SH3D19: variants seen among roughly 807,000 people sequenced by gnomAD.
The protein encoded by SH3D19 is SH3 domain containing 19, also known as SH3 domain-containing protein 19.
Under a neutral mutation model 112.1 loss-of-function variants are expected in SH3D19, and 58 were observed. The ratio of observed to expected loss-of-function variants is 0.52; its 90% confidence interval spans 0.42 to 0.64. SH3D19 has a LOEUF of 0.64. Ranked by LOEUF, SH3D19 falls within the 30% of genes least tolerant of loss-of-function variation. The pLI is 0.00. For synonymous variants in SH3D19, 391 were observed against 448.5 expected, an observed-to-expected ratio of 0.87 and a Z score of 1.62; for missense variants, 1,090 against 1,263.4, an observed-to-expected ratio of 0.86 and a Z score of 2.08.
At chr4:151,255,884 T>A (rs902950640) in intron 1 of SH3D19, among the ~76,000 whole-genome samples, 3 of 152,072 alleles carry the variant, frequency 2.0e-5, no homozygotes, top group Non-Finnish European at 2.9e-5. Context: ...GGCGTGGCGG[T>A]GCGAGCCTGC....
intron 17 of SH3D19, among the ~76,000 whole-genome samples, chr4:151,130,395 C>T (rs1579645443): frequency 1.3e-5 from 2 of 152,142 alleles, no homozygotes; most frequent in Middle Eastern, 3.4e-3. Context: ...GAGACCTCGA[C>T]ACTGCACTTA....
At chr4:151,220,170 A>C (rs1767802339) in intron 2 of SH3D19, among the ~76,000 whole-genome samples, 1 of 152,214 alleles carries the variant, frequency 6.6e-6, no homozygotes, top group South Asian at 2.1e-4. Context: ...TTAATTACTT[A>C]AAAGAGTTCA....
intron 1 of SH3D19, chr4:151,291,028 C>A: frequency 1.0e-6 from 1 of 982,514 alleles, no homozygotes. Context: ...GGTCTCATGG[C>A]CCAGTTTTAA....
At position 151,167,753 on chromosome 4, in the gene SH3D19, C is replaced by T. The variant is rs969606387; in HGVS notation, c.1535-2057G>A. ...GCCCCACCGTCTGGGAAGTGAGGAG[C>T]GCCTCTTACTGGCCACCCCGTCTGG... On this transcript the variant is annotated intron_variant, in intron 7 of 19. Coordinates refer to ENST00000604030, the MANE Select transcript of SH3D19 (RefSeq NM_001378122.1). 2.7e-5 allele frequency among the ~76,000 whole-genome samples: 4 copies of T among 150,662 alleles called. 1 individual carries two copies. The South Asian group carries it at 6.3e-4, about 24-fold the overall frequency.
At position 151,267,120 on chromosome 4, in the gene SH3D19, A is replaced by G. The variant is rs1038227348; in HGVS notation, c.113-41034T>C. Reference sequence around the variant, plus strand: ...GATGATTTGAGGCCAGGAGTTTGCAACAATCCTGGGCAACATGGTGAGACT... The same window carrying G: ...GATGATTTGAGGCCAGGAGTTTGCAGCAATCCTGGGCAACATGGTGAGACT... On this transcript the variant is annotated intron_variant, in intron 1 of 19. Transcript: ENST00000604030. Among the ~76,000 whole-genome samples the G allele has an allele frequency of 2.7e-5, 4 of 150,678 alleles. No homozygotes were observed. In the East Asian group the frequency reaches 7.8e-4, roughly 29 times the overall value.
chr4:151,139,447 C>G (rs1209020574), intron 13 of SH3D19, among the ~76,000 whole-genome samples: 1 of 152,186 alleles, frequency 6.6e-6, no homozygotes, highest in Non-Finnish European at 1.5e-5. Context: ...CCACTGCGCC[C>G]GGCCTAGTAC....
At chr4:151,222,591 A>AT (rs1463978565) in intron 2 of SH3D19, among the ~76,000 whole-genome samples, 4 of 142,844 alleles carry the variant, frequency 2.8e-5, no homozygotes, top group Non-Finnish European at 6.2e-5. Flanking sequence ...TAAAGTTGGG[A>AT]TTTTTTAGTC....
chr4:151,271,079 C>T (rs1773191724), intron 1 of SH3D19, among the ~76,000 whole-genome samples: 1 of 152,032 alleles, frequency 6.6e-6, no homozygotes, highest in Non-Finnish European at 1.5e-5. Flanking sequence ...ATGCAACACC[C>T]CGCCTGGCTA....
chr4:151,181,984 G>C (rs970744113), intron 3 of SH3D19, among the ~76,000 whole-genome samples: 1 of 151,716 alleles, frequency 6.6e-6, no homozygotes, highest in Admixed American at 6.6e-5. Context: ...CCGCTTGTAG[G>C]GTTTTTTTTT....
At chr4:151,179,225 GATA>G in intron 4 of SH3D19, 127 bp downstream of exon 4, 1 of 457,506 alleles carries the variant, frequency 2.2e-6, no homozygotes, top group Non-Finnish European at 3.5e-6. Context: ...TAATTCAGGA[GATA>G]TATTGATGAA....
intron 1 of SH3D19, among the ~76,000 whole-genome samples, chr4:151,246,255 C>T (rs1469355635): frequency 1.3e-5 from 2 of 152,222 alleles, no homozygotes; most frequent in African/African-American, 4.8e-5. Flanking sequence ...TTCTATTTCT[C>T]TGAGTTTCAC....
At chr4:151,281,699 T>A (rs193189737) in intron 1 of SH3D19, among the ~76,000 whole-genome samples, 2 of 149,278 alleles carry the variant, frequency 1.3e-5, no homozygotes, top group African/African-American at 2.5e-5. Context: ...TTATTTATTT[T>A]GTACATCTTA....
chr4:151,233,278 C>T (rs1769755480), intron 1 of SH3D19, among the ~76,000 whole-genome samples: 1 of 151,866 alleles, frequency 6.6e-6, no homozygotes, highest in Non-Finnish European at 1.5e-5. Flanking sequence ...ATAAAGTACA[C>T]GATAAATGTA....
At chr4:151,251,221 C>T (rs551827568) in intron 1 of SH3D19, among the ~76,000 whole-genome samples, 17 of 140,240 alleles carry the variant, frequency 1.2e-4, no homozygotes, top group South Asian at 4.4e-4. Flanking sequence ...TTTCCTGAGA[C>T]GGAGTCTTGC....
Position 151,139,856 on chromosome 4 carries a change from G to C in SH3D19, c.2224-9C>G, listed in dbSNP as rs1231279183. ...TGAGCGTGGCTTGGATCCTTAGGGG[G>C]AGAAAAGGGCTGTGAATGAAGTGTG... On this transcript the variant is annotated splice_polypyrimidine_tract_variant and intron_variant, in intron 12 of 19. Transcript: ENST00000604030. The C allele has an allele frequency of 6.2e-7, 1 of 1,613,812 alleles. No homozygotes were observed. Among genetic ancestry groups the C allele is most frequent in the Non-Finnish European group, 8.5e-7 (1 of 1,179,784 alleles).
At chr4:151,153,607 T>TA (rs988583153) in intron 9 of SH3D19, among the ~76,000 whole-genome samples, 18 of 152,158 alleles carry the variant, frequency 1.2e-4, no homozygotes, top group East Asian at 7.7e-4. Context: ...TAATTTTTTT[T>TA]AAAAAAAAAG....
intron 2 of SH3D19, among the ~76,000 whole-genome samples, chr4:151,190,858 T>C (rs1435980264): frequency 2.0e-5 from 3 of 152,224 alleles, no homozygotes; most frequent in African/African-American, 7.2e-5. Context: ...GCCACTGTCC[T>C]CCAGACCCCA....
rs1014020947 is a variant in SH3D19 at position 151,121,448 on chromosome 4, A to T, written c.*643T>A. 1 of 152,628 alleles carries T rather than the reference A, an allele frequency of 6.6e-6. No homozygotes were observed. Among genetic ancestry groups the T allele is most frequent in the African/African-American group, 2.4e-5 (1 of 41,454 alleles). The allele number at this position is 152,628 out of a possible 1,614,324, so 9.5% of individuals were successfully genotyped here. On this transcript the variant is annotated 3_prime_UTR_variant, in exon 20 of 20. Coordinates refer to ENST00000604030, the MANE Select transcript of SH3D19 (RefSeq NM_001378122.1). ...TGGTTCTTTAGACTAAGTAAGATAC[A>T]TCCAATTTAGACCCCCTTCAAATCC... is the stretch of plus-strand genomic sequence containing the variant.
intron 17 of SH3D19, among the ~76,000 whole-genome samples, chr4:151,130,427 C>A (rs1229648103): frequency 1.3e-5 from 2 of 151,572 alleles, no homozygotes; most frequent in Non-Finnish European, 2.9e-5. Flanking sequence ...AGAGTGAGAT[C>A]CTGTCTCAAA....
Sources: allele counts gnomAD v4.1 joint callset (sites outside exome capture counted in the v4.1 genomes callset), GRCh38; gene constraint gnomAD v4.1.1; transcripts MANE v1.5; gene names NCBI Gene and HGNC (gene_info 2026-07-23, HGNC 2026-07-21).